CEP128: variants seen among roughly 807,000 people sequenced by gnomAD.
CEP128 encodes the protein centrosomal protein 128kDa.
In CEP128, 132 loss-of-function variants were observed where a neutral mutation model predicts 156.7. The observed-to-expected ratio is 0.84, with a 90% confidence interval of 0.73 to 0.97. The LOEUF is 0.97. Among genes scored for constraint, CEP128 ranks in the 50% least tolerant of loss-of-function variants. The pLI, the probability that CEP128 is intolerant of heterozygous loss-of-function variation, is 0.00. For synonymous variants in CEP128, 469 were observed against 448.9 expected (o/e 1.04, Z -0.57); for missense variants, 1,252 against 1,281.9 (o/e 0.98, Z 0.36).
intron 19 of CEP128, among the ~76,000 whole-genome samples, chr14:80,617,217 A>ATTTTTT (rs1555382736): frequency 5.6e-4 from 24 of 43,132 alleles, no homozygotes; most frequent in Admixed American, 9.6e-4. Context: ...TGTGAATATC[A>ATTTTTT]TCTTTTTTTT....
At chr14:80,477,056 C>G (rs1328841420) in exon 15 of CEP128, 1 of 152,024 alleles carries the variant, frequency 6.6e-6, no homozygotes, top group African/African-American at 2.4e-5. Flanking sequence ...TGTTGGCATT[C>G]CTATCACGTC....
At chr14:80,567,477 A>G (rs1463688270) in intron 20 of CEP128, among the ~76,000 whole-genome samples, 1 of 152,200 alleles carries the variant, frequency 6.6e-6, no homozygotes, top group African/African-American at 2.4e-5. Context: ...CTAGGTAGCT[A>G]TATGAAACTG....
chr14:80,954,827 A>G (rs2139666113), intron 2 of CEP128, among the ~76,000 whole-genome samples: 1 of 152,352 alleles, frequency 6.6e-6, no homozygotes, highest in South Asian at 2.1e-4. Flanking sequence ...AATATGACTC[A>G]ATGAAATTCT....
rs141090802 is a variant in CEP128 at position 80,619,031 on chromosome 14, T to C, written c.2807-38608A>G. On this transcript the variant is annotated intron_variant, in intron 19 of 24. Coordinates refer to ENST00000555265, the MANE Select transcript of CEP128 (RefSeq NM_152446.5). ...CACATTTCTGACAAGGACTCCTCCA[T>C]TGTGTACTGGTTAAGTGTAAAAATG... Among the ~76,000 whole-genome samples, 5 of 152,288 alleles carry C rather than the reference T, an allele frequency of 3.3e-5. No homozygotes were observed. The East Asian group carries it at 9.7e-4, about 29-fold the overall frequency.
chr14:80,876,416 T>C (rs1888285798), intron 8 of CEP128, among the ~76,000 whole-genome samples: 1 of 151,922 alleles, frequency 6.6e-6, no homozygotes, highest in South Asian at 2.1e-4. Context: ...GCTAACATGA[T>C]GAAACCCCAT....
intron 13 of CEP128, chr14:80,830,424 A>C (rs955187390): frequency 2.5e-6 from 1 of 398,904 alleles, no homozygotes; most frequent in Non-Finnish European, 4.5e-6. Context: ...AACTTCACTT[A>C]CAAAAACAGA....
intron 19 of CEP128, among the ~76,000 whole-genome samples, chr14:80,592,300 A>G (rs1444035503): frequency 6.6e-6 from 1 of 152,240 alleles, no homozygotes; most frequent in Non-Finnish European, 1.5e-5. Context: ...AATAGACACA[A>G]TAAAAAATGG....
intron 18 of CEP128, among the ~76,000 whole-genome samples, chr14:80,743,486 A>C (rs1335588173): frequency 6.6e-6 from 1 of 152,218 alleles, no homozygotes; most frequent in African/African-American, 2.4e-5. Flanking sequence ...TTTTTAAAAA[A>C]TATTTTGTGT....
chr14:80,763,988 A>G (rs1269426587), intron 16 of CEP128, among the ~76,000 whole-genome samples: 1 of 152,174 alleles, frequency 6.6e-6, no homozygotes, highest in Non-Finnish European at 1.5e-5. Flanking sequence ...CCCATATTTT[A>G]CATCTAAGCA....
chr14:80,648,138 T>C (rs1449754298), intron 19 of CEP128, among the ~76,000 whole-genome samples: 1 of 151,954 alleles, frequency 6.6e-6, no homozygotes, highest in Non-Finnish European at 1.5e-5. Context: ...AGCAGCAACT[T>C]TGTGGAATGA....
chr14:80,597,330 T>C (rs1395886321), intron 19 of CEP128, among the ~76,000 whole-genome samples: 1 of 152,136 alleles, frequency 6.6e-6, no homozygotes, highest in Non-Finnish European at 1.5e-5. Context: ...ATAAATTTGA[T>C]AATTTAGAAG....
chr14:80,540,512 A>C (rs1258661552), intron 21 of CEP128, among the ~76,000 whole-genome samples: 1 of 152,232 alleles, frequency 6.6e-6, no homozygotes, highest in African/African-American at 2.4e-5. Context: ...CAGCCAGGTG[A>C]GGCCAAAGAT....
chr14:80,696,699 A>G (rs1407679400), intron 19 of CEP128, among the ~76,000 whole-genome samples: 1 of 152,190 alleles, frequency 6.6e-6, no homozygotes, highest in Admixed American at 6.5e-5. Flanking sequence ...TCTCAGTGAG[A>G]GTAGTTTCAT....
intron 19 of CEP128, among the ~76,000 whole-genome samples, chr14:80,618,468 A>T (rs1184465660): frequency 2.0e-5 from 3 of 152,260 alleles, no homozygotes; most frequent in Non-Finnish European, 4.4e-5. Flanking sequence ...ATACGTCTTG[A>T]AATGTGGGAT....
intron 21 of CEP128, among the ~76,000 whole-genome samples, chr14:80,539,751 A>G (rs1456023916): frequency 7.4e-6 from 1 of 135,394 alleles, no homozygotes; most frequent in Non-Finnish European, 1.6e-5. Flanking sequence ...GTATAAACAG[A>G]TGTGCAAGTA....
chr14:80,744,542 G>A (rs1898999947), intron 18 of CEP128, among the ~76,000 whole-genome samples: 1 of 152,126 alleles, frequency 6.6e-6, no homozygotes. Context: ...TACAGCAAAT[G>A]AAGAAACATT....
upstream of CEP128, among the ~76,000 whole-genome samples, chr14:80,946,012 A>T (rs1480730659): frequency 6.6e-6 from 1 of 152,208 alleles, no homozygotes; most frequent in East Asian, 1.9e-4. Flanking sequence ...TATAATGCCT[A>T]TCAGCAATGT....
intron 19 of CEP128, among the ~76,000 whole-genome samples, chr14:80,677,798 C>A (rs6574600): frequency 6.6e-6 from 1 of 151,324 alleles, no homozygotes; most frequent in Non-Finnish European, 1.5e-5. Flanking sequence ...GCCAAAAAAC[C>A]TTAATTGTAA....
At chr14:80,632,921 C>T (rs1360135213) in intron 19 of CEP128, among the ~76,000 whole-genome samples, 1 of 152,078 alleles carries the variant, frequency 6.6e-6, no homozygotes, top group Non-Finnish European at 1.5e-5. Context: ...GTGCTCACTA[C>T]GTGTGCATTT....
Sources: gnomAD v4.1 joint callset for allele counts (sites outside exome capture counted in the v4.1 genomes callset) on GRCh38, gnomAD v4.1.1 for gene constraint, MANE v1.5 for transcripts, NCBI Gene and HGNC (gene_info 2026-07-23, HGNC 2026-07-21) for gene names.